Variants in SLC6A16 observed in about 807,000 individuals in gnomAD.
SLC6A16 encodes solute carrier family 6 member 16.
In SLC6A16, 54 loss-of-function variants were observed where a neutral mutation model predicts 65.4. The ratio of observed to expected loss-of-function variants is 0.83; its 90% CI spans 0.66 to 1.04. The LOEUF (loss-of-function observed/expected upper bound fraction) is 1.04. Ranked by LOEUF, SLC6A16 falls within the 50% of genes least tolerant of loss-of-function variation. The pLI, the probability that SLC6A16 is intolerant of heterozygous loss-of-function variation, is 0.00. For missense variants in SLC6A16, 816 were observed against 914.0 expected, an observed-to-expected ratio of 0.89 and a Z score of 1.38; for synonymous variants, 330 against 346.5, an observed-to-expected ratio of 0.95 and a Z score of 0.53.
At chr19:49,298,163 G>A (rs536989763) in intron 7 of SLC6A16, among the ~76,000 whole-genome samples, 9 of 152,160 alleles carry the variant, frequency 5.9e-5, no homozygotes, top group Non-Finnish European at 1.0e-4. Flanking sequence ...CAGTGAAGGT[G>A]TAGAGAAACA....
In SLC6A16 at chr19:49,309,997, T is replaced by A. The variant is rs193084841; in HGVS notation, c.700+43A>T. On this transcript the variant is annotated intron_variant, in intron 4 of 11. Transcript: ENST00000335875. ...ATTCCAAATTCCCTTCTACTTCTAC[T>A]TCTCCATTTTTCCCTTCTCCTCTTC... The A allele has an allele frequency of 9.7e-5, 155 of 1,596,818 alleles. No individual in the cohort carries two copies. The East Asian group carries it at 3.2e-3, about 33-fold the overall frequency.
At chr19:49,319,520 TATATACATATACCTATACGATATATAC>T (rs921356297) in intron 1 of SLC6A16, among the ~76,000 whole-genome samples, 1 of 150,112 alleles carries the variant, frequency 6.7e-6, no homozygotes, top group African/African-American at 2.5e-5. Context: ...TGTGTATATG[TATATACATATACCTATACGATATATAC>T]ATATACATAT....
intron 1 of SLC6A16, among the ~76,000 whole-genome samples, chr19:49,317,558 G>A (rs1970633562): frequency 6.6e-6 from 1 of 152,040 alleles, no homozygotes; most frequent in Non-Finnish European, 1.5e-5. Context: ...TGTAATCCTA[G>A]CACTTTAGGA....
chr19:49,326,233 C>A (rs543687524), upstream of SLC6A16, among the ~76,000 whole-genome samples: 17 of 151,884 alleles, frequency 1.1e-4, no homozygotes, highest in East Asian at 7.7e-4. Flanking sequence ...TACATTTTTG[C>A]AAATCTCTCT....
chr19:49,302,159 C>T (rs1021090123), intron 7 of SLC6A16, among the ~76,000 whole-genome samples: 2 of 152,230 alleles, frequency 1.3e-5, no homozygotes, highest in African/African-American at 4.8e-5. Flanking sequence ...CCCCTTGCCA[C>T]CATTAATGAG....
chr19:49,320,876 T>C (rs1327393871), intron 1 of SLC6A16, among the ~76,000 whole-genome samples: 2 of 152,134 alleles, frequency 1.3e-5, no homozygotes, highest in African/African-American at 2.4e-5. Flanking sequence ...TAATCAAAAA[T>C]CTCTCAACAA....
chr19:49,293,730 C>T, intron 9 of SLC6A16, 97 bp downstream of exon 9: 1 of 1,105,684 alleles, frequency 9.0e-7, no homozygotes, highest in Non-Finnish European at 1.4e-6. Context: ...CACCACTGCA[C>T]TCCAGCCTGG....
chr19:49,336,971 A>G, the SLC6A16 span: 3 of 1,614,150 alleles, frequency 1.9e-6, no homozygotes, highest in Non-Finnish European at 2.5e-6. Flanking sequence ...AATCTTCACC[A>G]TGGGCATCGC....
At chr19:49,313,477 T>C (rs1372390244) in intron 1 of SLC6A16, among the ~76,000 whole-genome samples, 1 of 152,058 alleles carries the variant, frequency 6.6e-6, no homozygotes, top group Non-Finnish European at 1.5e-5. Flanking sequence ...CCTGTATTAC[T>C]TTAATAATCA....
At chr19:49,334,755 T>C in the SLC6A16 span, among the ~76,000 whole-genome samples, 3 of 151,740 alleles carry the variant, frequency 2.0e-5, no homozygotes, top group African/African-American at 7.3e-5. Context: ...TAGCCAGGCA[T>C]GGTAGTGTGC....
intron 1 of SLC6A16, among the ~76,000 whole-genome samples, chr19:49,319,448 TAC>T (rs1568540535): frequency 6.6e-6 from 1 of 150,594 alleles, no homozygotes; most frequent in Non-Finnish European, 1.5e-5. Flanking sequence ...TAAATACATA[TAC>T]ATATACATAT....
chr19:49,324,736 TC>T (rs954964835), intron 1 of SLC6A16, among the ~76,000 whole-genome samples: 6 of 152,214 alleles, frequency 3.9e-5, no homozygotes, highest in African/African-American at 1.4e-4. Context: ...TTTCTGCCAC[TC>T]GGGCACTTGA....
chr19:49,294,868 G>A (rs539669239), intron 7 of SLC6A16, among the ~76,000 whole-genome samples: 3 of 152,044 alleles, frequency 2.0e-5, no homozygotes, highest in South Asian at 2.1e-4. Flanking sequence ...TGAGACTAAC[G>A]GGTAAGAGCC....
chr19:49,295,595 A>T lies in SLC6A16; in HGVS notation c.1230-1042T>A, dbSNP rs191839715. Among the ~76,000 whole-genome samples, 5 of 152,342 alleles carry T rather than the reference A, an allele frequency of 3.3e-5. No individual in the cohort carries two copies. In the East Asian group the frequency reaches 9.6e-4, roughly 29 times the overall value. On this transcript the variant is annotated intron_variant, in intron 7 of 11. Coordinates refer to ENST00000335875, the MANE Select transcript of SLC6A16 (RefSeq NM_014037.3). ...AAGATATTTTTAAATCTTCTAACAA[A>T]ATAAAAATGTTGACAAGATAATAAG...
intron 1 of SLC6A16, among the ~76,000 whole-genome samples, chr19:49,322,816 G>GCTTTTTTTTT (rs1970734658): frequency 1.3e-5 from 1 of 75,192 alleles, no homozygotes; most frequent in Non-Finnish European, 2.6e-5. Flanking sequence ...AGAATTAGTA[G>GCTTTTTTTTT]CTTTTTTTTT....
At chr19:49,339,935 C>T in the SLC6A16 span, 1 of 1,376,554 alleles carries the variant, frequency 7.3e-7, no homozygotes, top group Non-Finnish European at 9.4e-7. This position sits in a 1 kb window ranked among gnomAD's most constrained non-coding sequence, Gnocchi z 4.5. Flanking sequence ...AGTGCGGGCG[C>T]AGAATTAGAG....
chr19:49,307,678 T>A (rs868522010), intron 7 of SLC6A16, among the ~76,000 whole-genome samples: 4 of 110,824 alleles, frequency 3.6e-5, no homozygotes, highest in Admixed American at 1.0e-4. Flanking sequence ...AAATTTAAAT[T>A]AAAAAAAAAA....
chr19:49,294,530 A>C lies in SLC6A16; in HGVS notation c.1253T>G (p.Leu418Arg). ...AGGAGGCAGTTTCCCTAGGTTTATCAGCTTTAAAAGTATTTCAGCATTCCT... is the reference window on the plus strand; with the variant it reads ...AGGAGGCAGTTTCCCTAGGTTTATCCGCTTTAAAAGTATTTCAGCATTCCT... ...CERNAEILLK[L>R]INLGKLPPDA... Residue 418 changes from leucine (L) to arginine (R), a missense_variant, in exon 8 of 12, where the codon CTG becomes CGG. Leu to Arg is a moderately radical substitution (Grantham distance 102). Transcript: ENST00000335875. The C allele has an allele frequency of 3.7e-6, 6 of 1,610,760 alleles. No homozygotes were observed. The highest frequency in any genetic ancestry group is 5.1e-6 in the Non-Finnish European group (6 of 1,178,596).
chr19:49,316,652 T>C (rs542881353), intron 1 of SLC6A16, among the ~76,000 whole-genome samples: 1 of 152,042 alleles, frequency 6.6e-6, no homozygotes, highest in African/African-American at 2.4e-5. Flanking sequence ...ACCAGGGATC[T>C]TTTCCAACCC....
Sources: gnomAD v4.1 joint callset for allele counts (sites outside exome capture counted in the v4.1 genomes callset) on GRCh38, gnomAD v4.1.1 for gene constraint, Gnocchi (gnomAD v3.1) non-coding constraint, MANE v1.5 for transcripts, NCBI Gene and HGNC (gene_info 2026-07-23, HGNC 2026-07-21) for gene names.